CMIP: variants seen among roughly 807,000 people sequenced by gnomAD.
CMIP encodes C-Maf-inducing protein.
CMIP carries 13 observed loss-of-function variants against 97.3 expected under a neutral mutation model. The ratio of observed to expected loss-of-function variants is 0.13; its 90% CI spans 0.09 to 0.21. CMIP has a LOEUF of 0.21. Ranked by LOEUF, CMIP falls within the 10% of genes least tolerant of loss-of-function variation. The probability of loss-of-function intolerance (pLI) is 1.00; values close to 1 mark genes in which losing one functional copy is unlikely to be tolerated. For synonymous variants in CMIP, 538 were observed against 436.3 expected, an observed-to-expected ratio of 1.23 and a Z score of -2.91; for missense variants, 847 against 1,024.9, an observed-to-expected ratio of 0.83 and a Z score of 2.37.
intron 1 of CMIP, among the ~76,000 whole-genome samples, chr16:81,455,268 T>C (rs1440558010): frequency 6.6e-6 from 1 of 152,204 alleles, no homozygotes; most frequent in African/African-American, 2.4e-5. Flanking sequence ...GTGTGATTAG[T>C]GTGTTTCCTC....
At chr16:81,569,043 G>A (rs149901294) in intron 1 of CMIP, among the ~76,000 whole-genome samples, 2 of 152,196 alleles carry the variant, frequency 1.3e-5, no homozygotes, top group Non-Finnish European at 2.9e-5. Flanking sequence ...TGGAGAACTC[G>A]CAGAGGTTTA....
chr16:81,660,785 A>G, intron 5 of CMIP, 99 bp from the exon 6 acceptor site: 2 of 1,280,118 alleles, frequency 1.6e-6, no homozygotes, highest in Non-Finnish European at 2.3e-6. Flanking sequence ...GTTGCTCTGC[A>G]TTTATTTTTT....
At chr16:81,514,227 C>T (rs1159048393) in intron 1 of CMIP, among the ~76,000 whole-genome samples, 1 of 152,046 alleles carries the variant, frequency 6.6e-6, no homozygotes, top group East Asian at 1.9e-4. Flanking sequence ...GGTAGGTGTC[C>T]CAGCCCATGC....
intron 1 of CMIP, among the ~76,000 whole-genome samples, chr16:81,487,000 G>A (rs1179086269): frequency 1.3e-5 from 2 of 152,264 alleles, no homozygotes; most frequent in South Asian, 4.1e-4. Context: ...GGAAGCTTCT[G>A]GAGGGAGCGT....
At chr16:81,597,158 A>G (rs2091571036) in intron 1 of CMIP, among the ~76,000 whole-genome samples, 1 of 152,130 alleles carries the variant, frequency 6.6e-6, no homozygotes, top group South Asian at 2.1e-4. Context: ...CTGTGGAGGA[A>G]GGGGATTGCT....
At position 81,444,833 on chromosome 16, in the gene CMIP, C is replaced by CTGT. The variant is rs1905719431; in HGVS notation, c.-409_-408insTGT. Among the ~76,000 whole-genome samples, 1 of 145,062 alleles carries CTGT rather than the reference C, an allele frequency of 6.9e-6. No homozygotes were observed. The highest frequency in any genetic ancestry group is 2.5e-5 in the African/African-American group (1 of 40,496). ...ACTCTCGCCCGGACGGCCGCGCGGA[C>CTGT]ACACGCTCTGTACACACGCGCGCGG... On this transcript the variant is annotated 5_prime_UTR_variant, in exon 1 of 21. Transcript: ENST00000537098.
At chr16:81,483,633 CA>C (rs774750356) in intron 1 of CMIP, among the ~76,000 whole-genome samples, 14 of 150,998 alleles carry the variant, frequency 9.3e-5, no homozygotes, top group Non-Finnish European at 1.5e-5. Flanking sequence ...CCCAGCTGCC[CA>C]CTGTTTTGTG....
At chr16:81,474,826 C>T (rs1321312525) in intron 1 of CMIP, among the ~76,000 whole-genome samples, 1 of 151,896 alleles carries the variant, frequency 6.6e-6, no homozygotes, top group Non-Finnish European at 1.5e-5. Context: ...TGCCTAGGCC[C>T]TGCCAGCCTG....
At chr16:81,562,922 G>A (rs1020098666) in intron 1 of CMIP, among the ~76,000 whole-genome samples, 1 of 152,196 alleles carries the variant, frequency 6.6e-6, no homozygotes, top group Non-Finnish European at 1.5e-5. Context: ...TTGTCTGCTG[G>A]GATCTGCCGC....
At chr16:81,491,692 T>TA (rs2089408455) in intron 1 of CMIP, among the ~76,000 whole-genome samples, 1 of 152,174 alleles carries the variant, frequency 6.6e-6, no homozygotes, top group Non-Finnish European at 1.5e-5. Flanking sequence ...CGTCCCCAAC[T>TA]CCACAATCAC....
At chr16:81,609,951 A>T (rs2091804452) in intron 2 of CMIP, among the ~76,000 whole-genome samples, 1 of 152,210 alleles carries the variant, frequency 6.6e-6, no homozygotes, top group African/African-American at 2.4e-5. Context: ...CTGAAGGGGT[A>T]GAGGGACACT....
chr16:81,616,590 T>C lies in CMIP; in HGVS notation c.427-4286T>C, dbSNP rs1165144781. Among the ~76,000 whole-genome samples, 1 of 152,232 alleles carries C rather than the reference T, an allele frequency of 6.6e-6. No individual in the cohort carries two copies. Among genetic ancestry groups the C allele is most frequent in the Admixed American group, 6.5e-5 (1 of 15,286 alleles). ...TTAGCTGGGATCTGCAAACTAAACC[T>C]GCCTTCTTGAACCGAAACCTGCCTT... On this transcript the variant is annotated intron_variant, in intron 2 of 20. Transcript: ENST00000537098. The surrounding 1 kb of genome is among the most constrained non-coding windows in gnomAD (Gnocchi z 4.7).
At chr16:81,645,004 G>A (rs2092347796) in intron 3 of CMIP, among the ~76,000 whole-genome samples, 1 of 152,216 alleles carries the variant, frequency 6.6e-6, no homozygotes, top group Non-Finnish European at 1.5e-5. Context: ...GGATAGCACT[G>A]CCCGACGGAG....
chr16:81,471,011 C>T (rs1907496797), intron 1 of CMIP, among the ~76,000 whole-genome samples: 1 of 152,044 alleles, frequency 6.6e-6, no homozygotes, highest in Non-Finnish European at 1.5e-5. Flanking sequence ...CACAGGCACA[C>T]ATGTGCGCAC....
At chr16:81,646,976 C>T (rs1310884428) in intron 3 of CMIP, among the ~76,000 whole-genome samples, 1 of 152,174 alleles carries the variant, frequency 6.6e-6, no homozygotes, top group Non-Finnish European at 1.5e-5. Flanking sequence ...TTTCTAGGAA[C>T]AGAATTGCTG....
rs542750677 is a variant in CMIP at position 81,535,082 on chromosome 16, C to T, written c.301-72485C>T. Among the ~76,000 whole-genome samples the T allele has an allele frequency of 1.9e-4, 29 of 152,264 alleles. No individual in the cohort carries two copies. The East Asian group carries it at 4.6e-3, about 24-fold the overall frequency. On this transcript the variant is annotated intron_variant, in intron 1 of 20. Transcript: ENST00000537098. ...TCTCCTGCCTCAGCCTCCTGAGTAGCTGGGACTCCAGGCACCTGCCACCAT... is the reference window on the plus strand; with the variant it reads ...TCTCCTGCCTCAGCCTCCTGAGTAGTTGGGACTCCAGGCACCTGCCACCAT...
At chr16:81,706,680 G>C (rs1230313802) in intron 19 of CMIP, among the ~76,000 whole-genome samples, 1 of 152,230 alleles carries the variant, frequency 6.6e-6, no homozygotes, top group Non-Finnish European at 1.5e-5. Flanking sequence ...TTCCCTTAGT[G>C]GGGAGGCCTC....
intron 1 of CMIP, among the ~76,000 whole-genome samples, chr16:81,516,445 A>G (rs2089915461): frequency 6.6e-6 from 1 of 152,148 alleles, no homozygotes; most frequent in Non-Finnish European, 1.5e-5. Context: ...TGGTTTCTGC[A>G]GATACGTGCC....
At chr16:81,688,110 G>A (rs1905619948) in intron 10 of CMIP, among the ~76,000 whole-genome samples, 1 of 152,222 alleles carries the variant, frequency 6.6e-6, no homozygotes, top group Non-Finnish European at 1.5e-5. Flanking sequence ...TCGGATGGGG[G>A]TGACACCCTG....
Sources: gnomAD v4.1 joint callset for allele counts (sites outside exome capture counted in the v4.1 genomes callset) on GRCh38, gnomAD v4.1.1 for gene constraint, Gnocchi (gnomAD v3.1) non-coding constraint, MANE v1.5 for transcripts, NCBI Gene and HGNC (gene_info 2026-07-23, HGNC 2026-07-21) for gene names.